The following VCL variants were observed in gnomAD, a reference collection of about 807,000 sequenced individuals.
The protein encoded by VCL is epididymis luminal protein 114.
In VCL, 47 loss-of-function variants were observed where a neutral mutation model predicts 125.7. That is an observed-to-expected ratio of 0.37 (90% confidence interval 0.30 to 0.48). The LOEUF (loss-of-function observed/expected upper bound fraction) is 0.48. VCL is among the 20% of genes least tolerant of loss of function. The probability of loss-of-function intolerance (pLI) is 0.99; values close to 1 mark genes in which losing one functional copy is unlikely to be tolerated. For missense variants in VCL, 1,069 were observed against 1,455.5 expected (o/e 0.73, Z 4.32); for synonymous variants, 458 against 514.6 (o/e 0.89, Z 1.49).
At chr10:74,066,061 AT>A (rs954704183) in intron 2 of VCL, among the ~76,000 whole-genome samples, 118 of 137,472 alleles carry the variant, frequency 8.6e-4, no homozygotes, top group East Asian at 2.7e-3. Context: ...ATATATATAT[AT>A]TTTTTTTTTT....
chr10:74,042,988 A>G, intron 1 of VCL, 95 bp from the exon 2 acceptor site: 1 of 1,250,644 alleles, frequency 8.0e-7, no homozygotes, highest in South Asian at 1.3e-5. Flanking sequence ...TTAATGATAG[A>G]TTATGTTTAA....
chr10:74,087,883 G>C (rs924022507), intron 8 of VCL, among the ~76,000 whole-genome samples: 1 of 152,124 alleles, frequency 6.6e-6, no homozygotes, highest in African/African-American at 2.4e-5. Context: ...GGCCGAGGCA[G>C]GAGAATTGCT....
intron 1 of VCL, among the ~76,000 whole-genome samples, chr10:74,010,991 G>A (rs1405905885): frequency 2.0e-5 from 3 of 151,538 alleles, no homozygotes; most frequent in South Asian, 4.2e-4. Flanking sequence ...CCAACATGGC[G>A]AAACCCCATC....
chr10:74,055,501 C>CATA (rs1841375407), intron 2 of VCL, among the ~76,000 whole-genome samples: 1 of 151,406 alleles, frequency 6.6e-6, no homozygotes, highest in Non-Finnish European at 1.5e-5. Context: ...TGCATGCTAC[C>CATA]ATACCTGGCT....
chr10:74,041,366 T>C (rs927942128), intron 1 of VCL, among the ~76,000 whole-genome samples: 5 of 152,302 alleles, frequency 3.3e-5, no homozygotes, highest in Admixed American at 6.5e-5. Flanking sequence ...TACTCTTATA[T>C]TTTATAATAC....
At chr10:74,116,285 T>A (rs1220725071) in intron 21 of VCL, among the ~76,000 whole-genome samples, 3 of 152,132 alleles carry the variant, frequency 2.0e-5, no homozygotes, top group African/African-American at 7.2e-5. Flanking sequence ...CTCACCCTAA[T>A]CCTCTCTTCT....
At chr10:74,093,663 G>A (rs1407591273) in intron 10 of VCL, among the ~76,000 whole-genome samples, 1 of 151,890 alleles carries the variant, frequency 6.6e-6, no homozygotes, top group Non-Finnish European at 1.5e-5. Context: ...GCCAGGTGTG[G>A]TGGTGCATAC....
At chr10:74,089,956 G>A (rs1839850708) in intron 9 of VCL, 67 bp from the exon 10 acceptor site, 1 of 1,586,778 alleles carries the variant, frequency 6.3e-7, no homozygotes, top group Non-Finnish European at 8.7e-7. Flanking sequence ...TTCTGGCCTT[G>A]TTAAGTTTAG....
At chr10:74,093,946 T>A (rs1353880033) in intron 10 of VCL, among the ~76,000 whole-genome samples, 1 of 152,178 alleles carries the variant, frequency 6.6e-6, no homozygotes, top group Non-Finnish European at 1.5e-5. Flanking sequence ...CCCACCCAGT[T>A]CCAGAGGAAA....
chr10:74,100,822 A>G, intron 13 of VCL, 126 bp from the exon 14 acceptor site: 1 of 1,131,064 alleles, frequency 8.8e-7, no homozygotes, highest in Non-Finnish European at 1.3e-6. Context: ...TTTATTAACT[A>G]GGGTTTGATG....
chr10:74,095,613 T>C, intron 11 of VCL, 43 bp from the exon 12 acceptor site: 2 of 1,611,738 alleles, frequency 1.2e-6, no homozygotes, highest in Non-Finnish European at 1.7e-6. Context: ...TGCAATTGTC[T>C]CCTCTGGGTC....
Position 74,120,021 on chromosome 10 carries a change from A to AC in VCL, c.*1852_*1853insC, listed in dbSNP as rs1255097292. ...CACAGTGAAGCAAATTAAAAAAAAA[A>AC]AAAAAAAAAATCCCTGAATGATGAT... On this transcript the variant is annotated 3_prime_UTR_variant, in exon 22 of 22. Transcript: ENST00000211998. 2.8e-3 allele frequency: 420 copies of AC among 151,954 alleles called. 2 individuals are homozygous for AC. Among genetic ancestry groups the AC allele is most frequent in the African/African-American group, 9.4e-3 (389 of 41,420 alleles). The allele number at this position is 151,954 out of a possible 1,614,324, so 9.4% of individuals were successfully genotyped here.
chr10:74,038,193 C>T (rs748968157), intron 1 of VCL, among the ~76,000 whole-genome samples: 12 of 152,020 alleles, frequency 7.9e-5, no homozygotes, highest in Non-Finnish European at 1.3e-4. Context: ...GACGGGGTTT[C>T]GCCATGTTGG....
Position 74,114,871 on chromosome 10 carries a change from C to A in VCL, c.3230C>A (p.Thr1077Asn). The A allele has an allele frequency of 6.2e-7, 1 of 1,602,206 alleles. No individual in the cohort carries two copies. ...STVKATMLGR[T>N]NISDEESEQA... is the part of the protein sequence containing the mutation. ...GTGAAGGCCACCATGCTGGGCCGGACCAACATCAGTGATGAGGAGTCTGAG... is the reference window on the plus strand; with the variant it reads ...GTGAAGGCCACCATGCTGGGCCGGAACAACATCAGTGATGAGGAGTCTGAG... Residue 1077 changes from threonine (T) to asparagine (N), a missense_variant, in exon 21 of 22, where the codon ACC (threonine) becomes AAC (asparagine). Transcript: ENST00000211998.
At chr10:74,017,550 T>C (rs1184923708) in intron 1 of VCL, among the ~76,000 whole-genome samples, 3 of 143,018 alleles carry the variant, frequency 2.1e-5, no homozygotes, top group Non-Finnish European at 4.6e-5. Flanking sequence ...TTTTTCTTTC[T>C]TTCTTTCTTT....
At chr10:74,105,895 C>T (rs193256843) in intron 16 of VCL, among the ~76,000 whole-genome samples, 33 of 147,498 alleles carry the variant, frequency 2.2e-4, no homozygotes, top group Admixed American at 4.1e-4. Context: ...TGTGAGCCAC[C>T]GTGCCCAACC....
chr10:73,998,612 C>T (rs1189821561), intron 1 of VCL, among the ~76,000 whole-genome samples: 2 of 152,248 alleles, frequency 1.3e-5, no homozygotes, highest in African/African-American at 4.8e-5. Context: ...AAAAGGCTGC[C>T]TTGCGGGCTT....
At chr10:74,009,618 AATT>A (rs765258665) in intron 1 of VCL, among the ~76,000 whole-genome samples, 18 of 151,116 alleles carry the variant, frequency 1.2e-4, no homozygotes, top group Non-Finnish European at 2.2e-4. Context: ...CTTATTTATT[AATT>A]ATTATTATTA....
chr10:74,089,343 T>C lies in VCL; in HGVS notation c.1170T>C (p.Ala390=), dbSNP rs201459260. The change falls in exon 9 of 22, where the codon GCT becomes GCC. Residue 390 remains alanine (A), a synonymous_variant. Coordinates refer to ENST00000211998, the MANE Select transcript of VCL (RefSeq NM_014000.3). The part of the protein sequence containing the change: ...SKQSIAKKID[A]AQNWLADPNG... ...AGAGCATTGCAAAGAAGATCGATGC[T>C]GCTCAGGTAGTCACAGTGATTTTCA... 108 of 1,614,056 alleles carry C rather than the reference T, an allele frequency of 6.7e-5. No homozygotes were observed. The highest frequency in any genetic ancestry group is 9.1e-5 in the Non-Finnish European group (107 of 1,180,032).
Sources: allele counts gnomAD v4.1 joint callset (sites outside exome capture counted in the v4.1 genomes callset), GRCh38; gene constraint gnomAD v4.1.1; transcripts MANE v1.5; gene names NCBI Gene and HGNC (gene_info 2026-07-23, HGNC 2026-07-21).